Variants in SORCS1 observed in about 807,000 individuals in gnomAD.
The protein encoded by SORCS1 is VPS10 domain-containing receptor SorCS1.
SORCS1 carries 60 observed loss-of-function variants against 146.1 expected under a neutral mutation model. The ratio of observed to expected loss-of-function variants is 0.41; its 90% CI spans 0.33 to 0.51. The LOEUF (loss-of-function observed/expected upper bound fraction) is 0.51, where lower values mean the gene tolerates loss of function less well. Ranked by LOEUF, SORCS1 falls within the 20% of genes least tolerant of loss-of-function variation. SORCS1 has a pLI of 0.21. For missense variants in SORCS1, 1,352 were observed against 1,487.6 expected (o/e 0.91, Z 1.50); for synonymous variants, 637 against 584.0 (o/e 1.09, Z -1.31).
In SORCS1 at chr10:107,017,999, C is replaced by G. The variant is rs1957969298; in HGVS notation, c.559-61419G>C. ...ATTTTCTGACCTTCCTCTGAAGCAG[C>G]TCATAAGACTCTCATGAGACAGGTG... On this transcript the variant is annotated intron_variant, in intron 1 of 25. Transcript: ENST00000263054. Among the ~76,000 whole-genome samples, 3 of 152,066 alleles carry G rather than the reference C, an allele frequency of 2.0e-5. 1 individual carries two copies. In the South Asian group the frequency reaches 6.2e-4, roughly 31 times the overall value.
chr10:107,014,398 G>A (rs1957814739), intron 1 of SORCS1, among the ~76,000 whole-genome samples: 1 of 152,126 alleles, frequency 6.6e-6, no homozygotes, highest in Non-Finnish European at 1.5e-5. Context: ...TCTTGTGGGG[G>A]CCACTGTCCA....
intron 18 of SORCS1, among the ~76,000 whole-genome samples, chr10:106,647,178 T>C (rs896981789): frequency 6.6e-6 from 1 of 151,796 alleles, no homozygotes; most frequent in Non-Finnish European, 1.5e-5. Context: ...TTTATTCAGA[T>C]TGCTTTTAAT....
intron 3 of SORCS1, among the ~76,000 whole-genome samples, chr10:106,798,191 T>C (rs947792583): frequency 2.6e-5 from 4 of 152,218 alleles, no homozygotes; most frequent in African/African-American, 7.2e-5. Context: ...TCTGCATCCA[T>C]GGGAGAAATG....
chr10:106,840,255 G>T (rs2137122856), intron 2 of SORCS1, among the ~76,000 whole-genome samples: 1 of 152,320 alleles, frequency 6.6e-6, no homozygotes, highest in East Asian at 1.9e-4. Context: ...TTCATGGGAG[G>T]AGATGAAAAT....
intron 2 of SORCS1, among the ~76,000 whole-genome samples, chr10:106,928,578 C>T (rs1478166237): frequency 6.6e-6 from 1 of 152,222 alleles, no homozygotes; most frequent in East Asian, 1.9e-4. Context: ...CCTTAAGTGC[C>T]GCCAAAGTGG....
chr10:106,639,351 T>C (rs550925502), intron 18 of SORCS1, among the ~76,000 whole-genome samples: 1 of 152,324 alleles, frequency 6.6e-6, no homozygotes, highest in African/African-American at 2.4e-5. Flanking sequence ...ATCTAGCCTC[T>C]GGGATGTTTG....
chr10:106,985,867 T>C (rs766379055), intron 1 of SORCS1, among the ~76,000 whole-genome samples: 4 of 152,072 alleles, frequency 2.6e-5, no homozygotes, highest in African/African-American at 7.2e-5. Flanking sequence ...CCTATGGTTA[T>C]TGGCAATCTT....
chr10:106,652,303 G>T, intron 18 of SORCS1, 79 bp downstream of exon 18: 3 of 1,402,612 alleles, frequency 2.1e-6, no homozygotes, highest in Admixed American at 4.9e-5. Context: ...AGTTGAAAAA[G>T]ATATGGAAAC....
chr10:106,948,992 T>C (rs1359012752), intron 2 of SORCS1, among the ~76,000 whole-genome samples: 6 of 151,830 alleles, frequency 4.0e-5, no homozygotes, highest in African/African-American at 1.5e-4. Context: ...TTGTGTAAGT[T>C]CAGGAACCAC....
At chr10:107,049,006 G>C (rs1419080477) in intron 1 of SORCS1, among the ~76,000 whole-genome samples, 1 of 151,828 alleles carries the variant, frequency 6.6e-6, no homozygotes, top group Non-Finnish European at 1.5e-5. Context: ...GCAAAGACTT[G>C]GAACCAATCC....
intron 2 of SORCS1, among the ~76,000 whole-genome samples, chr10:106,947,161 T>C (rs1954389301): frequency 6.6e-6 from 1 of 152,240 alleles, no homozygotes; most frequent in Admixed American, 6.5e-5. Context: ...ATTCCAGTCC[T>C]GATGAAAGCC....
At chr10:106,857,687 A>C (rs1949842741) in intron 2 of SORCS1, among the ~76,000 whole-genome samples, 1 of 152,210 alleles carries the variant, frequency 6.6e-6, no homozygotes, top group Non-Finnish European at 1.5e-5. Flanking sequence ...GTCGACATTT[A>C]AATAACTTCA....
intron 9 of SORCS1, among the ~76,000 whole-genome samples, chr10:106,695,600 C>T (rs1042260628): frequency 2.6e-5 from 4 of 152,196 alleles, no homozygotes; most frequent in Non-Finnish European, 5.9e-5. Context: ...ACAACAGTCC[C>T]TACCTCATAA....
intron 19 of SORCS1, among the ~76,000 whole-genome samples, chr10:106,628,103 C>A (rs753847559): frequency 2.0e-5 from 3 of 152,206 alleles, no homozygotes; most frequent in Non-Finnish European, 2.9e-5. Flanking sequence ...TACTGAGAAT[C>A]ATGTGTAACT....
At chr10:107,015,208 A>G (rs944610061) in intron 1 of SORCS1, among the ~76,000 whole-genome samples, 2 of 152,230 alleles carry the variant, frequency 1.3e-5, no homozygotes, top group Non-Finnish European at 2.9e-5. Flanking sequence ...TATACATAGT[A>G]CTGTTCTTCC....
intron 2 of SORCS1, among the ~76,000 whole-genome samples, chr10:106,939,342 G>A (rs1393694843): frequency 6.6e-6 from 1 of 152,196 alleles, no homozygotes; most frequent in African/African-American, 2.4e-5. Flanking sequence ...TTGGAGATGG[G>A]GAAGACAAAC....
At chr10:106,717,664 A>C (rs559017377) in intron 6 of SORCS1, among the ~76,000 whole-genome samples, 139 of 152,378 alleles carry the variant, frequency 9.1e-4, no homozygotes, top group Non-Finnish European at 1.4e-3. Flanking sequence ...AACTGGGAAC[A>C]TGAGAGAGAA....
chr10:106,970,659 T>A (rs1376743194), intron 1 of SORCS1, among the ~76,000 whole-genome samples: 2 of 151,992 alleles, frequency 1.3e-5, no homozygotes, highest in Admixed American at 6.6e-5. Flanking sequence ...AAGGTTTATA[T>A]ACCTCTCCCA....
At chr10:106,966,384 G>A (rs1955496979) in intron 1 of SORCS1, among the ~76,000 whole-genome samples, 2 of 152,258 alleles carry the variant, frequency 1.3e-5, no homozygotes, top group South Asian at 4.1e-4. Flanking sequence ...GACTAATTTG[G>A]GGTACAAGAA....
Sources: gnomAD v4.1 joint callset for allele counts (sites outside exome capture counted in the v4.1 genomes callset) on GRCh38, gnomAD v4.1.1 for gene constraint, MANE v1.5 for transcripts, NCBI Gene and HGNC (gene_info 2026-07-23, HGNC 2026-07-21) for gene names.